Variants in RIT2 observed in about 807,000 individuals in gnomAD.
RIT2 encodes the protein Ras like without CAAX 2, also known as GTP-binding protein Rit2.
Under a neutral mutation model 23.7 loss-of-function variants are expected in RIT2, and 24 were observed. That is an observed-to-expected ratio of 1.01 (90% CI 0.73 to 1.43). RIT2 has a LOEUF of 1.43. Ranked by LOEUF, RIT2 falls within the 40% of genes most tolerant of loss-of-function variation. The pLI is 0.00. For synonymous variants in RIT2, 107 were observed against 91.1 expected, an observed-to-expected ratio of 1.17 and a Z score of -0.99; for missense variants, 236 against 266.9, an observed-to-expected ratio of 0.88 and a Z score of 0.81.
At chr18:42,827,748 G>A (rs1435022083) in intron 4 of RIT2, among the ~76,000 whole-genome samples, 4 of 152,058 alleles carry the variant, frequency 2.6e-5, no homozygotes, top group Admixed American at 2.6e-4. Flanking sequence ...GCTCATGCCT[G>A]CAATCCCAGC....
At chr18:43,014,868 A>G (rs1911436856) in intron 2 of RIT2, among the ~76,000 whole-genome samples, 1 of 151,748 alleles carries the variant, frequency 6.6e-6, no homozygotes, top group Non-Finnish European at 1.5e-5. Context: ...AATGTTTAAT[A>G]ATCTGTATAA....
intron 2 of RIT2, among the ~76,000 whole-genome samples, chr18:42,996,115 C>G (rs1195116627): frequency 6.6e-6 from 1 of 152,064 alleles, no homozygotes; most frequent in Non-Finnish European, 1.5e-5. Flanking sequence ...TCTCTTATTC[C>G]GTTTAGTTTT....
intron 4 of RIT2, among the ~76,000 whole-genome samples, chr18:42,851,505 G>A (rs1269546513): frequency 3.3e-5 from 5 of 152,158 alleles, no homozygotes; most frequent in African/African-American, 4.8e-5. Flanking sequence ...AGGCATAGAA[G>A]CAAAAATTGA....
intron 3 of RIT2, among the ~76,000 whole-genome samples, chr18:42,933,709 T>C (rs1336698755): frequency 6.6e-6 from 1 of 152,162 alleles, no homozygotes; most frequent in Non-Finnish European, 1.5e-5. Context: ...CCAGCCATGC[T>C]GAACTGTAAG....
intron 4 of RIT2, among the ~76,000 whole-genome samples, chr18:42,791,238 C>T (rs1286163866): frequency 6.6e-6 from 1 of 151,896 alleles, no homozygotes; most frequent in African/African-American, 2.4e-5. Flanking sequence ...CATATGTTTT[C>T]AGCTGTCTAC....
intron 4 of RIT2, among the ~76,000 whole-genome samples, chr18:42,763,830 TTTA>T (rs1469981143): frequency 6.6e-6 from 1 of 152,202 alleles, no homozygotes; most frequent in Non-Finnish European, 1.5e-5. Flanking sequence ...TAAAAATTGT[TTTA>T]TTTTTTATTT....
chr18:43,075,439 C>A lies in RIT2; in HGVS notation c.103+39978G>T, dbSNP rs186774540. ...AACTTCTTTGATAAGAAATTGACTC[C>A]TTTGTAAATCTTAATGTTTAATTAG... is the stretch of plus-strand genomic sequence containing the variant. On this transcript the variant is annotated intron_variant, in intron 1 of 4. Transcript: ENST00000326695. Among the ~76,000 whole-genome samples the A allele has an allele frequency of 1.2e-3, 175 of 152,138 alleles. No individual in the cohort carries two copies. In the Middle Eastern group the frequency reaches 0.014, roughly 12 times the overall value.
intron 4 of RIT2, among the ~76,000 whole-genome samples, chr18:42,916,076 T>C (rs973100888): frequency 2.0e-5 from 3 of 152,068 alleles, no homozygotes; most frequent in Non-Finnish European, 4.4e-5. Context: ...ACTGGCTCTC[T>C]AACTTTAGCA....
chr18:43,044,147 G>A (rs1912193638), intron 1 of RIT2, among the ~76,000 whole-genome samples: 1 of 152,098 alleles, frequency 6.6e-6, no homozygotes, highest in Admixed American at 6.5e-5. Flanking sequence ...TAGTAAAATA[G>A]GGTCCTTGTG....
intron 3 of RIT2, among the ~76,000 whole-genome samples, chr18:42,957,742 C>CCACT (rs1431515257): frequency 6.6e-6 from 1 of 152,064 alleles, no homozygotes; most frequent in East Asian, 1.9e-4. Flanking sequence ...TGAAGTTGCA[C>CCACT]CACTGCACTC....
intron 3 of RIT2, among the ~76,000 whole-genome samples, chr18:42,927,368 T>TGG (rs879755092): frequency 1.1e-5 from 1 of 87,668 alleles, no homozygotes; most frequent in African/African-American, 3.3e-5. Flanking sequence ...CATGTGGATG[T>TGG]GGTGTGTGTG....
intron 4 of RIT2, chr18:42,920,883 A>C: frequency 1.5e-6 from 1 of 681,928 alleles, no homozygotes. Context: ...ATTCTCAGAG[A>C]ATTCTTTTGA....
chr18:42,941,718 G>A (rs1307781251), intron 3 of RIT2, among the ~76,000 whole-genome samples: 1 of 152,070 alleles, frequency 6.6e-6, no homozygotes, highest in Non-Finnish European at 1.5e-5. Flanking sequence ...TATTTAAGTA[G>A]AATTAATAAC....
intron 1 of RIT2, among the ~76,000 whole-genome samples, chr18:43,041,108 A>C (rs1912118654): frequency 6.6e-6 from 1 of 152,128 alleles, no homozygotes; most frequent in African/African-American, 2.4e-5. Context: ...CAGGTTAACT[A>C]TGTGGTCATC....
chr18:43,025,965 A>G (rs750707858), intron 2 of RIT2, among the ~76,000 whole-genome samples: 4 of 152,108 alleles, frequency 2.6e-5, no homozygotes, highest in Admixed American at 6.6e-5. Context: ...CTGCATTATT[A>G]CCTCTCAATC....
At chr18:42,943,840 C>T (rs1909662729) in intron 3 of RIT2, among the ~76,000 whole-genome samples, 1 of 152,056 alleles carries the variant, frequency 6.6e-6, no homozygotes, top group East Asian at 1.9e-4. Flanking sequence ...TGGAGTTATC[C>T]TTCTCTTTTA....
At chr18:42,782,842 T>A (rs1052360654) in intron 4 of RIT2, among the ~76,000 whole-genome samples, 1 of 152,008 alleles carries the variant, frequency 6.6e-6, no homozygotes, top group Non-Finnish European at 1.5e-5. Flanking sequence ...CAGAATCTTA[T>A]ATATACTGGG....
chr18:43,082,710 T>G (rs578145754), intron 1 of RIT2, among the ~76,000 whole-genome samples: 1 of 150,856 alleles, frequency 6.6e-6, no homozygotes, highest in East Asian at 1.9e-4. Context: ...CACAATAAAC[T>G]AGGTATTGAT....
In RIT2 at chr18:42,910,914, C is replaced by T. The variant is rs541601538; in HGVS notation, c.426+12658G>A. On this transcript the variant is annotated intron_variant, in intron 4 of 4. Transcript: ENST00000326695. The stretch of plus-strand genomic sequence containing the variant: ...AATTGATAGAAATCAGCAAGGATAG[C>T]GAATAATGAAACATTAAACAACAAG... 2.0e-4 allele frequency among the ~76,000 whole-genome samples: 31 copies of T among 152,016 alleles called. 1 individual carries two copies. In the South Asian group the frequency reaches 5.0e-3, roughly 24 times the overall value.
Sources: allele counts gnomAD v4.1 joint callset (sites outside exome capture counted in the v4.1 genomes callset), GRCh38; gene constraint gnomAD v4.1.1; transcripts MANE v1.5; gene names NCBI Gene and HGNC (gene_info 2026-07-23, HGNC 2026-07-21).